The following ZFYVE26 variants were observed in gnomAD, a reference collection of about 807,000 sequenced individuals.
ZFYVE26 encodes zinc finger FYVE-type containing 26.
Under a neutral mutation model 276.5 loss-of-function variants are expected in ZFYVE26, and 181 were observed. The observed-to-expected ratio is 0.65, with a 90% CI of 0.58 to 0.74. The LOEUF (loss-of-function observed/expected upper bound fraction) is 0.74. ZFYVE26 is among the 30% of genes least tolerant of loss of function. The probability of loss-of-function intolerance (pLI) is 0.00; values close to 1 mark genes in which losing one functional copy is unlikely to be tolerated. For synonymous variants in ZFYVE26, 1,129 were observed against 1,203.1 expected (o/e 0.94, Z 1.27); for missense variants, 2,821 against 3,097.9 (o/e 0.91, Z 2.12).
chr14:67,805,238 T>A lies in ZFYVE26; in HGVS notation c.1250A>T (p.Glu417Val), dbSNP rs770883892. ...DGLWAHLEVL[E>V]WCIQQSSNPI... ...ATACCTGCTCTGCTGTATGCACCAC[T>A]CCAGGACCTCCAGGTGAGCCCACAA... Residue 417 changes from glutamate (E) to valine (V), a missense_variant, in exon 8 of 42, where the codon GAG becomes GTG. Coordinates refer to ENST00000347230, the MANE Select transcript of ZFYVE26 (RefSeq NM_015346.4). The A allele has an allele frequency of 2.6e-5, 42 of 1,614,030 alleles. No individual in the cohort carries two copies. In the South Asian group the frequency reaches 4.5e-4, roughly 17 times the overall value.
rs28407185 is a variant in ZFYVE26 at position 67,734,233 on chromosome 14, T to C, written n.2680-4414A>G. On this transcript the variant is annotated intron_variant and non_coding_transcript_variant, in intron 13 of 14. Transcript: ENST00000394455. The stretch of plus-strand genomic sequence containing the variant: ...ACCATCACTGCCTATTTCTAGGGGC[T>C]ATACACTCCAACTCTTGGTTGATCT... The C allele has an allele frequency of 7.0e-3, 1,731 of 246,140 alleles. 36 individuals are homozygous for C. The highest frequency in any genetic ancestry group is 0.036 in the African/African-American group (1,649 of 45,266). The allele number at this position is 246,140 out of a possible 1,614,324, so 15.2% of individuals were successfully genotyped here.
At chr14:67,762,063 G>A in intron 34 of ZFYVE26, 140 bp downstream of exon 34, 1 of 948,216 alleles carries the variant, frequency 1.1e-6, no homozygotes, top group Non-Finnish European at 1.6e-6. Context: ...ATATGTGATG[G>A]AAAAAAAAAA....
At chr14:67,769,872 A>G in intron 28 of ZFYVE26, 142 bp from the exon 29 acceptor site, 1 of 1,126,994 alleles carries the variant, frequency 8.9e-7, no homozygotes, top group Non-Finnish European at 1.3e-6. Flanking sequence ...GGAAAAGGAC[A>G]CACCAGTCCT....
intron 12 of ZFYVE26, among the ~76,000 whole-genome samples, chr14:67,795,141 C>T (rs2039922520): frequency 6.6e-6 from 1 of 152,120 alleles, no homozygotes; most frequent in Admixed American, 6.5e-5. Context: ...AAGGGAGGCA[C>T]CTCAGTTCAC....
At chr14:67,784,819 G>A (rs2039605911) in intron 19 of ZFYVE26, among the ~76,000 whole-genome samples, 1 of 152,168 alleles carries the variant, frequency 6.6e-6, no homozygotes, top group Non-Finnish European at 1.5e-5. Flanking sequence ...AGGTCTGACA[G>A]AGATATTTTT....
intron 32 of ZFYVE26, 135 bp downstream of exon 32, chr14:67,766,092 A>G: frequency 1.1e-6 from 1 of 895,740 alleles, no homozygotes; most frequent in Non-Finnish European, 1.8e-6. Context: ...TTTCATCAAC[A>G]TTACACAGAT....
Position 67,756,079 on chromosome 14 carries a change from T to G in ZFYVE26, c.6655A>C (p.Thr2219Pro), listed in dbSNP as rs146428262. 1.4e-5 allele frequency: 23 copies of G among 1,614,106 alleles called. No homozygotes were observed. In the African/African-American group the frequency reaches 2.9e-4, roughly 21 times the overall value. Residue 2219 changes from threonine to proline, a missense_variant, in exon 36 of 42, where the codon ACT (threonine) becomes CCT (proline). Physicochemically the swap from Thr to Pro is conservative, Grantham distance 38. Coordinates refer to ENST00000347230, the MANE Select transcript of ZFYVE26 (RefSeq NM_015346.4). ...QPSYKSGKLHTLENLLESIDP... is the reference protein window; with the variant it reads ...QPSYKSGKLHPLENLLESIDP... Reference sequence around the variant, plus strand: ...ATGGATTCTAGCAAGTTCTCCAAAGTGTGTAGCTTCCCACTTTTATAGCTT... The same window carrying G: ...ATGGATTCTAGCAAGTTCTCCAAAGGGTGTAGCTTCCCACTTTTATAGCTT...
At chr14:67,735,624 G>A (rs1049647905) in intron 13 of ZFYVE26, among the ~76,000 whole-genome samples, 3 of 152,194 alleles carry the variant, frequency 2.0e-5, no homozygotes, top group African/African-American at 7.2e-5. Flanking sequence ...CAAGATCCTG[G>A]ATGAGAAGGG....
intron 23 of ZFYVE26, 85 bp from the exon 24 acceptor site, chr14:67,778,333 A>C (rs1325604952): frequency 1.3e-6 from 2 of 1,581,654 alleles, no homozygotes; most frequent in Admixed American, 1.7e-5. Context: ...AGCCCCAGGA[A>C]TGTTTATAAG....
intron 2 of ZFYVE26, 99 bp downstream of exon 2, chr14:67,815,671 T>A (rs1196358103): frequency 8.5e-7 from 1 of 1,171,400 alleles, no homozygotes; most frequent in African/African-American, 1.5e-5. Context: ...TGCTTATTCT[T>A]CAGAGGGTAG....
At chr14:67,738,128 A>G (rs1017133539) in intron 13 of ZFYVE26, among the ~76,000 whole-genome samples, 24 of 151,800 alleles carry the variant, frequency 1.6e-4, no homozygotes, top group Admixed American at 9.8e-4. Context: ...ATTTTTATAC[A>G]CTGCTGCTAT....
At chr14:67,772,548 G>A (rs2039239683) in intron 27 of ZFYVE26, among the ~76,000 whole-genome samples, 1 of 152,240 alleles carries the variant, frequency 6.6e-6, no homozygotes, top group Non-Finnish European at 1.5e-5. Context: ...CAGCATGTGG[G>A]AAGCTCCGGG....
At chr14:67,757,796 C>T (rs567802744) in intron 35 of ZFYVE26, among the ~76,000 whole-genome samples, 5 of 152,038 alleles carry the variant, frequency 3.3e-5, no homozygotes, top group Non-Finnish European at 7.4e-5. Context: ...CTCACTGCAA[C>T]CTCCGCCTCC....
chr14:67,784,691 C>T (rs552311045), intron 19 of ZFYVE26, among the ~76,000 whole-genome samples: 3 of 152,314 alleles, frequency 2.0e-5, no homozygotes, highest in African/African-American at 7.2e-5. Flanking sequence ...ACAGCCAACT[C>T]CTGCTCTCTT....
chr14:67,767,495 C>A (rs1208704263), intron 31 of ZFYVE26, among the ~76,000 whole-genome samples: 2 of 152,026 alleles, frequency 1.3e-5, no homozygotes, highest in African/African-American at 4.8e-5. Flanking sequence ...TAAATGCTAC[C>A]TCTTCCACGA....
intron 13 of ZFYVE26, among the ~76,000 whole-genome samples, chr14:67,740,927 T>C (rs1199196085): frequency 2.0e-5 from 3 of 151,666 alleles, no homozygotes; most frequent in Non-Finnish European, 4.4e-5. Context: ...AAAAGTAATA[T>C]GAATTGTTTA....
intron 31 of ZFYVE26, among the ~76,000 whole-genome samples, 162 bp downstream of exon 31, chr14:67,767,542 T>C (rs1238646820): frequency 2.6e-5 from 4 of 152,096 alleles, no homozygotes; most frequent in Non-Finnish European, 4.4e-5. Flanking sequence ...ATTCCCAAGA[T>C]GTTCATTATT....
intron 29 of ZFYVE26, among the ~76,000 whole-genome samples, chr14:67,769,061 C>A (rs570743562): frequency 6.6e-6 from 1 of 152,290 alleles, no homozygotes; most frequent in South Asian, 2.1e-4. Context: ...ACTGAGCCAA[C>A]AAACAAAGTC....
chr14:67,816,179 C>A, intron 1 of ZFYVE26, 133 bp from the exon 2 acceptor site: 1 of 544,070 alleles, frequency 1.8e-6, no homozygotes, highest in Non-Finnish European at 3.3e-6. Flanking sequence ...TCCCACGTTA[C>A]TTTTTGAAAA....
Sources: allele counts gnomAD v4.1 joint callset (sites outside exome capture counted in the v4.1 genomes callset), GRCh38; gene constraint gnomAD v4.1.1; transcripts MANE v1.5; gene names NCBI Gene and HGNC (gene_info 2026-07-23, HGNC 2026-07-21).